BNC2: variants seen among roughly 807,000 people sequenced by gnomAD.
BNC2 encodes zinc finger protein basonuclin-2.
Under a neutral mutation model 76.3 loss-of-function variants are expected in BNC2, and 20 were observed. The ratio of observed to expected loss-of-function variants is 0.26; its 90% CI spans 0.18 to 0.38. BNC2 has a LOEUF of 0.38. BNC2 is among the 10% of genes least tolerant of loss of function. The pLI is 1.00. For synonymous variants in BNC2, 582 were observed against 514.8 expected, an observed-to-expected ratio of 1.13 and a Z score of -1.77; for missense variants, 1,382 against 1,399.8, an observed-to-expected ratio of 0.99 and a Z score of 0.20.
chr9:16,853,911 C>T (rs1819190985), intron 1 of BNC2, among the ~76,000 whole-genome samples: 1 of 152,116 alleles, frequency 6.6e-6, no homozygotes, highest in Admixed American at 6.6e-5. Flanking sequence ...TTAAGCTCTG[C>T]GGGTTTAAAT....
intron 1 of BNC2, among the ~76,000 whole-genome samples, chr9:16,760,599 C>T (rs182933800): frequency 1.3e-3 from 199 of 152,190 alleles, no homozygotes; most frequent in African/African-American, 4.7e-3. Context: ...CAGTAATCTG[C>T]GTTAAGTCCA....
rs567519051 is a variant in BNC2, at chr9:16,791,833, C to T, written c.4-53348G>A. 3.9e-5 allele frequency among the ~76,000 whole-genome samples: 6 copies of T among 152,176 alleles called. No homozygotes were observed. In the East Asian group the frequency reaches 7.7e-4, roughly 20 times the overall value. ...AAATTCAACTAGAGGCCAGGCACGG[C>T]GGCTCACACCTGTAACCCCATCACT... On this transcript the variant is annotated intron_variant, in intron 1 of 6. Coordinates refer to ENST00000380672, the MANE Select transcript of BNC2 (RefSeq NM_017637.6).
chr9:16,658,981 A>C (rs922720676), intron 3 of BNC2, among the ~76,000 whole-genome samples: 1 of 152,242 alleles, frequency 6.6e-6, no homozygotes, highest in Admixed American at 6.5e-5. Context: ...ACCATTGATC[A>C]TCGCAACTGT....
intron 4 of BNC2, chr9:16,575,238 T>C: frequency 1.0e-6 from 1 of 983,718 alleles, no homozygotes; most frequent in Non-Finnish European, 1.2e-6. Context: ...AACAACATTC[T>C]TACCTATTTT....
chr9:16,627,364 T>C (rs533671929), intron 3 of BNC2, among the ~76,000 whole-genome samples: 3 of 152,298 alleles, frequency 2.0e-5, no homozygotes, highest in African/African-American at 7.2e-5. Flanking sequence ...AGCATATTCC[T>C]ATGTAAGGAG....
intron 1 of BNC2, among the ~76,000 whole-genome samples, chr9:16,862,080 G>A (rs1191396969): frequency 6.6e-6 from 1 of 152,026 alleles, no homozygotes; most frequent in Non-Finnish European, 1.5e-5. Flanking sequence ...AAAGTAAAAT[G>A]CTGCAGTTGC....
chr9:16,693,018 T>TG (rs1823221413), intron 3 of BNC2, among the ~76,000 whole-genome samples: 1 of 150,044 alleles, frequency 6.7e-6, no homozygotes, highest in South Asian at 2.1e-4. Context: ...TAATCCCAGC[T>TG]ACTTGGGAGG....
chr9:16,762,000 AC>A (rs1825564628), intron 1 of BNC2, among the ~76,000 whole-genome samples: 1 of 152,216 alleles, frequency 6.6e-6, no homozygotes, highest in Non-Finnish European at 1.5e-5. Context: ...AAGTAGCAAA[AC>A]TTTTTAGCCA....
At chr9:16,659,370 G>GA (rs1394358650) in intron 3 of BNC2, among the ~76,000 whole-genome samples, 1 of 152,064 alleles carries the variant, frequency 6.6e-6, no homozygotes, top group Non-Finnish European at 1.5e-5. Flanking sequence ...AGCACTTTGG[G>GA]GGGCCGAGGT....
chr9:16,685,925 G>A (rs902707789), intron 3 of BNC2, among the ~76,000 whole-genome samples: 4 of 152,154 alleles, frequency 2.6e-5, no homozygotes, highest in Non-Finnish European at 5.9e-5. Context: ...ACGGACAGGA[G>A]GAGGGAGACA....
intron 3 of BNC2, among the ~76,000 whole-genome samples, chr9:16,695,941 T>C (rs780783818): frequency 1.3e-5 from 2 of 152,194 alleles, no homozygotes; most frequent in Non-Finnish European, 2.9e-5. Flanking sequence ...GTTATTACCA[T>C]AAGCCCATTA....
rs765807072 is a variant in BNC2 at position 16,419,336 on chromosome 9, C to G, written c.2953G>C (p.Asp985His). Reference protein sequence around the residue: ...HSSRESDAGSDEGILLDDIDG... With the variant: ...HSSRESDAGSHEGILLDDIDG... ...ATGTCATCGAGAAGAATCCCCTCAT[C>G]GCTGCCTGCGTCGGATTCTCTGGAG... Residue 985 changes from aspartate (D) to histidine (H), a missense_variant, in exon 7 of 7, where the codon GAT becomes CAT. Physicochemically the swap from Asp to His is moderately conservative, Grantham distance 81 (BLOSUM62 -1). This residue lies in a region of BNC2 where 798 missense variants were observed against 775.5 expected (regional missense o/e 1.03). Transcript: ENST00000380672. The G allele has an allele frequency of 6.2e-7, 1 of 1,611,950 alleles. No individual in the cohort carries two copies. The highest frequency in any genetic ancestry group is 1.3e-5 in the African/African-American group (1 of 74,828).
chr9:16,774,836 A>G (rs992430791), intron 1 of BNC2, among the ~76,000 whole-genome samples: 1 of 152,204 alleles, frequency 6.6e-6, no homozygotes, highest in Non-Finnish European at 1.5e-5. Context: ...AAGCCTCTGG[A>G]TGCCTTATCT....
intron 1 of BNC2, among the ~76,000 whole-genome samples, chr9:16,786,688 G>C (rs962634705): frequency 1.3e-5 from 2 of 152,148 alleles, no homozygotes; most frequent in East Asian, 1.9e-4. Context: ...CTGCAGAAAG[G>C]GGGAGAGGCC....
At chr9:16,857,854 CTG>C (rs1819302072) in intron 1 of BNC2, among the ~76,000 whole-genome samples, 1 of 152,218 alleles carries the variant, frequency 6.6e-6, no homozygotes, top group African/African-American at 2.4e-5. Context: ...AAAATTAGAA[CTG>C]TAAGGGAATG....
intron 3 of BNC2, among the ~76,000 whole-genome samples, chr9:16,628,362 G>A (rs942622285): frequency 9.2e-5 from 14 of 152,140 alleles, no homozygotes; most frequent in Non-Finnish European, 1.6e-4. Context: ...ACAGTGGTAG[G>A]GAGAAAATCC....
chr9:16,547,108 G>A (rs1280045523), intron 5 of BNC2, among the ~76,000 whole-genome samples: 1 of 152,212 alleles, frequency 6.6e-6, no homozygotes, highest in Non-Finnish European at 1.5e-5. Context: ...TAATTCATTG[G>A]CAACATCTAT....
intron 5 of BNC2, among the ~76,000 whole-genome samples, chr9:16,519,333 C>A (rs1374856712): frequency 6.6e-6 from 1 of 152,158 alleles, no homozygotes; most frequent in South Asian, 2.1e-4. Context: ...GGGCCAGAGA[C>A]AAGGATTCTG....
chr9:16,727,424 C>A, intron 3 of BNC2: 1 of 208,378 alleles, frequency 4.8e-6, no homozygotes, highest in Admixed American at 5.3e-5. Flanking sequence ...AGAGAGCAAA[C>A]ACTTTGGACG....
Sources: allele counts gnomAD v4.1 joint callset (sites outside exome capture counted in the v4.1 genomes callset), GRCh38; gene constraint gnomAD v4.1.1; regional missense constraint gnomAD v4.1.1; transcripts MANE v1.5; gene names NCBI Gene and HGNC (gene_info 2026-07-23, HGNC 2026-07-21).